The following PTPRK variants were observed in gnomAD, a reference collection of about 807,000 sequenced individuals.
PTPRK encodes the protein receptor-type tyrosine-protein phosphatase kappa.
In PTPRK, 75 loss-of-function variants were observed where a neutral mutation model predicts 178.0. The observed-to-expected ratio is 0.42, with a 90% confidence interval of 0.35 to 0.51. The LOEUF (loss-of-function observed/expected upper bound fraction) is 0.51. Ranked by LOEUF, PTPRK falls within the 20% of genes least tolerant of loss-of-function variation. The pLI, the probability that PTPRK is intolerant of heterozygous loss-of-function variation, is 0.02. For synonymous variants in PTPRK, 637 were observed against 620.6 expected, an observed-to-expected ratio of 1.03 and a Z score of -0.39; for missense variants, 1,441 against 1,797.8, an observed-to-expected ratio of 0.80 and a Z score of 3.59.
chr6:128,473,660 CT>C (rs1851016776), intron 1 of PTPRK, among the ~76,000 whole-genome samples: 1 of 151,778 alleles, frequency 6.6e-6, no homozygotes, highest in African/African-American at 2.4e-5. Context: ...TTCAAGGATG[CT>C]TTTGAGAACT....
intron 13 of PTPRK, among the ~76,000 whole-genome samples, chr6:128,039,011 G>C (rs1776712859): frequency 6.6e-6 from 1 of 152,132 alleles, no homozygotes; most frequent in Non-Finnish European, 1.5e-5. Context: ...CTAACATATT[G>C]TTTGGAATGT....
chr6:128,395,450 ATTC>A (rs778670484), intron 2 of PTPRK, among the ~76,000 whole-genome samples: 3 of 152,332 alleles, frequency 2.0e-5, no homozygotes, highest in East Asian at 3.9e-4. Flanking sequence ...CTGAGCAGTA[ATTC>A]TTCAACTATT....
At chr6:128,181,706 T>A (rs949177447) in intron 7 of PTPRK, among the ~76,000 whole-genome samples, 2 of 152,156 alleles carry the variant, frequency 1.3e-5, no homozygotes, top group African/African-American at 2.4e-5. Context: ...TATGAACTTC[T>A]GGGCTGAGGC....
At chr6:128,238,277 T>G (rs1813725736) in intron 5 of PTPRK, 2 of 367,668 alleles carry the variant, frequency 5.4e-6, no homozygotes, top group Admixed American at 8.1e-5. Flanking sequence ...ACCTCTCATC[T>G]TTGCTACAAA....
Position 128,493,560 on chromosome 6 carries a change from C to CA in PTPRK, c.100+26698dup, listed in dbSNP as rs1339085007. ...TGGGTGAAAGAGCGAGACTCCGTCT[C>CA]AAAAAAAAAAAAAAAGTACCTCCCG... is the stretch of plus-strand genomic sequence containing the variant. On this transcript the variant is annotated intron_variant, in intron 1 of 29. Coordinates refer to ENST00000368226, the MANE Select transcript of PTPRK (RefSeq NM_002844.4). 9.1e-3 allele frequency among the ~76,000 whole-genome samples: 972 copies of CA among 106,664 alleles called. 10 individuals are homozygous for CA. The highest frequency in any genetic ancestry group is 0.019 in the African/African-American group (535 of 28,574). 70.0% of individuals were successfully genotyped at this position (106,664 alleles called of 152,430 possible). A position where few individuals can be genotyped will look rare whatever the true frequency, so the allele number is the denominator to read the frequency against.
At chr6:128,042,006 A>T (rs892920291) in intron 13 of PTPRK, among the ~76,000 whole-genome samples, 3 of 151,966 alleles carry the variant, frequency 2.0e-5, no homozygotes, top group Non-Finnish European at 4.4e-5. Context: ...CTTTCCCCAG[A>T]ACTGCACAAT....
intron 15 of PTPRK, chr6:128,001,212 A>C: frequency 6.5e-7 from 1 of 1,535,034 alleles, no homozygotes; most frequent in South Asian, 1.2e-5. Context: ...TAGGAACTTA[A>C]ACCCAATGAA....
At chr6:128,297,244 A>T (rs1299156541) in intron 3 of PTPRK, among the ~76,000 whole-genome samples, 4 of 152,088 alleles carry the variant, frequency 2.6e-5, no homozygotes, top group Non-Finnish European at 4.4e-5. Context: ...AGTGACCTAC[A>T]AAGAGACTTA....
chr6:128,030,951 A>C (rs1427894325), intron 13 of PTPRK, among the ~76,000 whole-genome samples: 2 of 152,204 alleles, frequency 1.3e-5, no homozygotes, highest in African/African-American at 4.8e-5. Context: ...TTAGACACTT[A>C]CTAGGTTCAA....
chr6:127,976,967 C>T lies in PTPRK; in HGVS notation c.3799G>A (p.Gly1267Ser), dbSNP rs1774677021. Reference sequence around the variant, plus strand: ...TTTAACATCACAATGGAGGTACAGCCATAATCATACACTAATCTCCAGAAG... The same window carrying T: ...TTTAACATCACAATGGAGGTACAGCTATAATCATACACTAATCTCCAGAAG... Reference protein sequence around the residue: ...KDFWRLVYDYGCTSIVMLNEV... With the variant: ...KDFWRLVYDYSCTSIVMLNEV... The change falls in exon 26 of 30, where the codon GGC (glycine) becomes AGC (serine). Residue 1267 changes from glycine (G) to serine (S), a missense_variant. Gly to Ser is a moderately conservative substitution (Grantham distance 56). This residue lies in a region of PTPRK where 335 missense variants were observed against 512.4 expected (regional missense o/e 0.65). Transcript: ENST00000368226. 1 of 1,614,074 alleles carries T rather than the reference C, an allele frequency of 6.2e-7. No homozygotes were observed. The highest frequency in any genetic ancestry group is 1.7e-5 in the Admixed American group (1 of 60,012).
Position 128,519,650 on chromosome 6 carries a change from A to AAC in PTPRK, c.100+607_100+608dup, listed in dbSNP as rs1312644217. Among the ~76,000 whole-genome samples, 3 of 152,200 alleles carry AAC rather than the reference A, an allele frequency of 2.0e-5. No homozygotes were observed. The highest frequency in any genetic ancestry group is 4.8e-5 in the African/African-American group (2 of 41,466). The stretch of plus-strand genomic sequence containing the variant: ...TCAACACATCTTACAGGGCTCCGCC[A>AAC]ACACACACACAGAACATGCTCCAAG... On this transcript the variant is annotated intron_variant, in intron 1 of 29. Transcript: ENST00000368226. This position sits in a 1 kb window ranked among gnomAD's most constrained non-coding sequence, Gnocchi z 4.3.
rs369830345 is a variant in PTPRK, at chr6:128,223,667, G to A, written c.694-4571C>T. On this transcript the variant is annotated intron_variant, in intron 5 of 29. Coordinates refer to ENST00000368226, the MANE Select transcript of PTPRK (RefSeq NM_002844.4). The stretch of plus-strand genomic sequence containing the variant: ...TTTATCTTCAATAATCATTTAATAA[G>A]CACCTCCATGTACCTTATATTATGT... 1.4e-4 allele frequency among the ~76,000 whole-genome samples: 21 copies of A among 152,112 alleles called. No homozygotes were observed. The East Asian group carries it at 3.9e-3, about 28-fold the overall frequency.
chr6:128,021,482 A>G (rs1029018094), intron 13 of PTPRK, among the ~76,000 whole-genome samples: 8 of 152,136 alleles, frequency 5.3e-5, no homozygotes, highest in Middle Eastern at 3.4e-3. Flanking sequence ...TAAAAATACA[A>G]AAAATTAGCC....
intron 1 of PTPRK, among the ~76,000 whole-genome samples, chr6:128,507,952 G>A (rs911693462): frequency 3.3e-5 from 5 of 152,112 alleles, no homozygotes; most frequent in African/African-American, 9.7e-5. Flanking sequence ...TTGTGGCAAT[G>A]TGTTTGTAAT....
rs909105768 is a variant in PTPRK at position 127,969,143 on chromosome 6, T to A, written c.*1084A>T. 3.3e-5 allele frequency: 5 copies of A among 152,230 alleles called. No individual in the cohort carries two copies. Among genetic ancestry groups the A allele is most frequent in the Non-Finnish European group, 7.3e-5 (5 of 68,038 alleles). 9.4% of individuals were successfully genotyped at this position (152,230 alleles called of 1,614,324 possible). On this transcript the variant is annotated 3_prime_UTR_variant, in exon 30 of 30. Transcript: ENST00000368226. ...AAGCATATATGTTGCCATCTTGTTT[T>A]CTTGACCAGTGCTGGGCCACAGGCT... is the stretch of plus-strand genomic sequence containing the variant.
At chr6:128,146,874 A>G (rs1419508890) in intron 7 of PTPRK, among the ~76,000 whole-genome samples, 1 of 152,230 alleles carries the variant, frequency 6.6e-6, no homozygotes, top group East Asian at 1.9e-4. Flanking sequence ...GGAGCAGTGT[A>G]TAATACTCAA....
intron 1 of PTPRK, among the ~76,000 whole-genome samples, chr6:128,441,469 A>G (rs1182265775): frequency 6.6e-6 from 1 of 152,092 alleles, no homozygotes; most frequent in Non-Finnish European, 1.5e-5. Flanking sequence ...AACAAAGATT[A>G]GAAAATTAAA....
At chr6:128,007,153 T>A (rs925815251) in intron 14 of PTPRK, among the ~76,000 whole-genome samples, 1 of 150,974 alleles carries the variant, frequency 6.6e-6, no homozygotes, top group African/African-American at 2.4e-5. Context: ...CTTTTTTATA[T>A]GTATGATAAA....
At chr6:128,017,672 GCTCA>G (rs1325151307) in intron 13 of PTPRK, among the ~76,000 whole-genome samples, 3 of 147,098 alleles carry the variant, frequency 2.0e-5, no homozygotes, top group East Asian at 4.0e-4. Context: ...TCTGCCTGTT[GCTCA>G]CTGTTTTCAG....
Sources: gnomAD v4.1 joint callset for allele counts (sites outside exome capture counted in the v4.1 genomes callset) on GRCh38, gnomAD v4.1.1 for gene constraint, gnomAD v4.1.1 regional missense constraint, Gnocchi (gnomAD v3.1) non-coding constraint, MANE v1.5 for transcripts, NCBI Gene and HGNC (gene_info 2026-07-23, HGNC 2026-07-21) for gene names.